The following MYOCD variants were observed in gnomAD, a reference collection of about 807,000 sequenced individuals.
The protein encoded by MYOCD is myocardin.
In MYOCD, 32 loss-of-function variants were observed where a neutral mutation model predicts 96.1. That is an observed-to-expected ratio of 0.33 (90% confidence interval 0.25 to 0.45). The LOEUF is 0.45. Ranked by LOEUF, MYOCD falls within the 20% of genes least tolerant of loss-of-function variation. The probability of loss-of-function intolerance (pLI) is 1.00; values close to 1 mark genes in which losing one functional copy is unlikely to be tolerated. For synonymous variants in MYOCD, 469 were observed against 469.0 expected, an observed-to-expected ratio of 1.00 and a Z score of 0.00; for missense variants, 1,133 against 1,200.6, an observed-to-expected ratio of 0.94 and a Z score of 0.83.
At chr17:12,680,349 T>C (rs1161727489) in intron 1 of MYOCD, among the ~76,000 whole-genome samples, 1 of 152,180 alleles carries the variant, frequency 6.6e-6, no homozygotes, top group Non-Finnish European at 1.5e-5. Flanking sequence ...TATAATGACG[T>C]CTGTCTTACA....
intron 3 of MYOCD, among the ~76,000 whole-genome samples, chr17:12,715,822 A>C (rs903085023): frequency 6.6e-6 from 1 of 152,166 alleles, no homozygotes; most frequent in African/African-American, 2.4e-5. Flanking sequence ...CTAATGTTGG[A>C]AGAAATTACA....
chr17:12,759,025 G>A lies in MYOCD; in HGVS notation c.2331+812G>A, dbSNP rs545071030. ...TTTGTAGCACTGTACTCCAGCCCGG[G>A]TGACAAGAGCAAAACTCCATCTCAA... is the stretch of plus-strand genomic sequence containing the variant. On this transcript the variant is annotated intron_variant, in intron 12 of 13. Transcript: ENST00000425538. Among the ~76,000 whole-genome samples, 4 of 151,872 alleles carry A rather than the reference G, an allele frequency of 2.6e-5. No homozygotes were observed. The South Asian group carries it at 6.2e-4, about 24-fold the overall frequency.
chr17:12,717,406 A>G lies in MYOCD; in HGVS notation c.238A>G (p.Met80Val), dbSNP rs958082210. Residue 80 changes from methionine (M) to valine (V), a missense_variant, in exon 4 of 14, where the codon ATG (methionine) becomes GTG (valine). By Grantham distance (21) the Met-to-Val change is conservative. Coordinates refer to ENST00000425538, the MANE Select transcript of MYOCD (RefSeq NM_001146312.3). The part of the protein sequence containing the change: ...NRCNSADLVN[M>V]HILQASTAER... ...GTGCAACAGTGCCGACTTGGTTAAT[A>G]TGCACATACTCCAAGGTAAGGCTGC... is the stretch of plus-strand genomic sequence containing the variant. 29 of 1,613,748 alleles carry G rather than the reference A, an allele frequency of 1.8e-5. No homozygotes were observed. The African/African-American group carries it at 3.7e-4, about 21-fold the overall frequency.
At chr17:12,753,463 T>A in intron 10 of MYOCD, 117 bp downstream of exon 10, 1 of 903,878 alleles carries the variant, frequency 1.1e-6, no homozygotes, top group Non-Finnish European at 1.6e-6. Flanking sequence ...ACCAAAAGCA[T>A]AGCAGAATCT....
chr17:12,726,640 A>C (rs2032008103), intron 5 of MYOCD, among the ~76,000 whole-genome samples: 1 of 152,296 alleles, frequency 6.6e-6, no homozygotes, highest in African/African-American at 2.4e-5. Flanking sequence ...ATAAGTAGCT[A>C]GTCCTGTCTG....
chr17:12,720,887 TG>T (rs1654055100), intron 4 of MYOCD, among the ~76,000 whole-genome samples: 1 of 152,050 alleles, frequency 6.6e-6, no homozygotes, highest in Admixed American at 6.5e-5. Context: ...CTGGGCGTGG[TG>T]GCGGGTGCCT....
intron 5 of MYOCD, among the ~76,000 whole-genome samples, chr17:12,727,982 T>C (rs377340583): frequency 6.6e-6 from 1 of 152,204 alleles, no homozygotes; most frequent in Non-Finnish European, 1.5e-5. Context: ...TGTAGGGTAA[T>C]AGGGGACTTG....
Position 12,697,064 on chromosome 17 carries a change from T to C in MYOCD, c.56-8064T>C, listed in dbSNP as rs80123502. Among the ~76,000 whole-genome samples, 97 of 152,010 alleles carry C rather than the reference T, an allele frequency of 6.4e-4. 1 individual carries two copies. The East Asian group carries it at 0.018, about 29-fold the overall frequency. On this transcript the variant is annotated intron_variant, in intron 1 of 13. Transcript: ENST00000425538. ...TGCAGACAGACATTCCCATGCCCCATAACCAATGCCTAGTCCAATGTAGGG... is the reference window on the plus strand; with the variant it reads ...TGCAGACAGACATTCCCATGCCCCACAACCAATGCCTAGTCCAATGTAGGG...
chr17:12,757,528 A>ACTC (rs1397421555), intron 11 of MYOCD, among the ~76,000 whole-genome samples: 1 of 152,072 alleles, frequency 6.6e-6, no homozygotes, highest in Non-Finnish European at 1.5e-5. Flanking sequence ...ACACAGTCTC[A>ACTC]CTCTGTCGGC....
In MYOCD at chr17:12,766,913, C is replaced by CG. The variant is rs957601127; in HGVS notation, c.*3270dup. On this transcript the variant is annotated 3_prime_UTR_variant, in exon 14 of 14. Transcript: ENST00000425538. ...TTAGTAGTGACCCTGCTTCTATCAA[C>CG]GTTATTGAGACAACACATATTCTAT... The CG allele has an allele frequency of 6.6e-6, 1 of 150,868 alleles. No individual in the cohort carries two copies. The highest frequency in any genetic ancestry group is 6.6e-5 in the Admixed American group (1 of 15,076). 9.3% of individuals were successfully genotyped at this position (150,868 alleles called of 1,614,324 possible). A position where few individuals can be genotyped will look rare whatever the true frequency, so the allele number is the denominator to read the frequency against.
intron 1 of MYOCD, among the ~76,000 whole-genome samples, chr17:12,669,986 G>A (rs1390503888): frequency 6.6e-6 from 1 of 152,096 alleles, no homozygotes; most frequent in African/African-American, 2.4e-5. Context: ...GAAAACTCCA[G>A]ATGGGGTGGG....
At chr17:12,720,026 G>A (rs1324480099) in intron 4 of MYOCD, among the ~76,000 whole-genome samples, 1 of 152,018 alleles carries the variant, frequency 6.6e-6, no homozygotes, top group Non-Finnish European at 1.5e-5. Context: ...TGTAAATGTC[G>A]TTAGCTGTAC....
intron 1 of MYOCD, among the ~76,000 whole-genome samples, chr17:12,688,145 G>T (rs765286511): frequency 1.3e-5 from 2 of 152,180 alleles, no homozygotes; most frequent in African/African-American, 4.8e-5. Context: ...GAAAGCATTG[G>T]AAAGTCTCCT....
intron 1 of MYOCD, among the ~76,000 whole-genome samples, chr17:12,695,470 A>G (rs2150662097): frequency 6.6e-6 from 1 of 152,272 alleles, no homozygotes. Context: ...GCAGATAAAT[A>G]TGTTTTCTCC....
Position 12,760,376 on chromosome 17 carries a change from T to G in MYOCD, c.2332-274T>G, listed in dbSNP as rs775394849. On this transcript the variant is annotated intron_variant, in intron 12 of 13. Coordinates refer to ENST00000425538, the MANE Select transcript of MYOCD (RefSeq NM_001146312.3). The stretch of plus-strand genomic sequence containing the variant: ...TGGGGTGTGGGAAATTATGGTTGAA[T>G]GGGTACACGATTTTAGTCTTGCAGG... The G allele has an allele frequency of 8.6e-4, 350 of 405,074 alleles. 1 individual carries two copies. The highest frequency in any genetic ancestry group is 1.3e-3 in the Non-Finnish European group (284 of 216,564). 25.1% of individuals were successfully genotyped at this position (405,074 alleles called of 1,614,324 possible).
intron 9 of MYOCD, among the ~76,000 whole-genome samples, chr17:12,750,664 GACCA>G (rs2032826171): frequency 6.6e-6 from 1 of 152,030 alleles, no homozygotes; most frequent in Non-Finnish European, 1.5e-5. Flanking sequence ...ACTCCAGCCT[GACCA>G]ACAGAGCAAG....
chr17:12,721,674 G>A (rs1308631669), intron 4 of MYOCD, among the ~76,000 whole-genome samples: 1 of 152,176 alleles, frequency 6.6e-6, no homozygotes. Context: ...TTGAAAAACT[G>A]GACTGAGAGA....
chr17:12,744,613 G>A (rs2032609619), intron 8 of MYOCD, among the ~76,000 whole-genome samples, 177 bp downstream of exon 8: 1 of 152,136 alleles, frequency 6.6e-6, no homozygotes, highest in Non-Finnish European at 1.5e-5. Context: ...AGAGCCGTAA[G>A]ACTGGGAGGA....
chr17:12,760,982 T>C (rs897908776), intron 13 of MYOCD: 1 of 334,170 alleles, frequency 3.0e-6, no homozygotes, highest in Non-Finnish European at 5.5e-6. Flanking sequence ...CCTTAAGTGT[T>C]TTCTCTTGCT....
Sources: allele counts gnomAD v4.1 joint callset (sites outside exome capture counted in the v4.1 genomes callset), GRCh38; gene constraint gnomAD v4.1.1; transcripts MANE v1.5; gene names NCBI Gene and HGNC (gene_info 2026-07-23, HGNC 2026-07-21).